The following OR10A2 variants were observed in gnomAD, a reference collection of about 807,000 sequenced individuals.
OR10A2 encodes olfactory receptor family 10 subfamily A member 2.
In OR10A2, 15 loss-of-function variants were observed where a neutral mutation model predicts 13.7. The ratio of observed to expected loss-of-function variants is 1.10; its 90% CI spans 0.73 to 1.69. The LOEUF is 1.69. Among genes scored for constraint, OR10A2 ranks in the 40% most tolerant of loss-of-function variants. The probability of loss-of-function intolerance (pLI) is 0.00; values close to 1 mark genes in which losing one functional copy is unlikely to be tolerated. For synonymous variants in OR10A2, 145 were observed against 144.7 expected (o/e 1.00, Z -0.02); for missense variants, 343 against 361.1 (o/e 0.95, Z 0.41).
In OR10A2 at chr11:6,869,724, A is replaced by G. The variant is rs1444770618; in HGVS notation, c.-31A>G. 6.3e-7 allele frequency: 1 copy of G among 1,585,662 alleles called. No homozygotes were observed. Among genetic ancestry groups the G allele is most frequent in the East Asian group, 2.2e-5 (1 of 44,706 alleles). ...TTCTGCCCACACTTATAGCTACAGG[A>G]AACTGGACAAGAATAAGTGAGTTTA... On this transcript the variant is annotated 5_prime_UTR_variant, in exon 2 of 2. Transcript: ENST00000641461.
rs913927770 is a variant in OR10A2, at chr11:6,870,781, G to T, written c.*115G>T. 4 of 909,514 alleles carry T rather than the reference G, an allele frequency of 4.4e-6. No homozygotes were observed. Among genetic ancestry groups the T allele is most frequent in the Non-Finnish European group, 6.6e-6 (4 of 605,610 alleles). The allele number at this position is 909,514 out of a possible 1,614,324, so 56.3% of individuals were successfully genotyped here. A position where few individuals can be genotyped will look rare whatever the true frequency, so the allele number is the denominator to read the frequency against. ...AAGATGAAGTCCTGTTGCTGAAATG[G>T]CTTTTGGAAAGCTGAGTGGAGAGAA... On this transcript the variant is annotated 3_prime_UTR_variant, in exon 2 of 2. Coordinates refer to ENST00000641461, the MANE Select transcript of OR10A2 (RefSeq NM_001004460.2).
rs1481974445 is a variant in OR10A2, at chr11:6,873,900, GTGGTGGTAGAGC to G, written c.*3238_*3249del. On this transcript the variant is annotated 3_prime_UTR_variant, in exon 2 of 2. Transcript: ENST00000641461. Reference sequence around the variant, plus strand: ...AAAATAAATCCAGAACCTAAAGGCAGTGGTGGTAGAGCTGGAGAAGGTGACACTGAATTAGTG... The same window carrying G: ...AAAATAAATCCAGAACCTAAAGGCAGTGGAGAAGGTGACACTGAATTAGTG... The G allele has an allele frequency of 6.6e-6, 1 of 152,260 alleles. No individual in the cohort carries two copies. The highest frequency in any genetic ancestry group is 1.5e-5 in the Non-Finnish European group (1 of 68,064). 9.4% of individuals were successfully genotyped at this position (152,260 alleles called of 1,614,324 possible).
At chr11:6,866,359 GGAC>G (rs1848378286) in intron 1 of OR10A2, among the ~76,000 whole-genome samples, 1 of 152,032 alleles carries the variant, frequency 6.6e-6, no homozygotes, top group Admixed American at 6.5e-5. Context: ...ATGCAGACCA[GGAC>G]GGCTTTGCAT....
At chr11:6,868,006 TC>T (rs1421616964) in intron 1 of OR10A2, among the ~76,000 whole-genome samples, 7 of 152,208 alleles carry the variant, frequency 4.6e-5, no homozygotes. Context: ...TGCCTCAGGC[TC>T]CCAAAGTCCT....
intron 1 of OR10A2, among the ~76,000 whole-genome samples, chr11:6,864,920 A>G (rs1481529729): frequency 2.0e-5 from 3 of 147,336 alleles, no homozygotes; most frequent in Non-Finnish European, 4.5e-5. Flanking sequence ...AATTTCTTAT[A>G]TATATAAATA....
In OR10A2 at chr11:6,869,891, T is replaced by C. The variant is rs1434540637; in HGVS notation, c.137T>C (p.Met46Thr). The C allele has an allele frequency of 6.2e-7, 1 of 1,614,158 alleles. No homozygotes were observed. Among genetic ancestry groups the C allele is most frequent in the African/African-American group, 1.3e-5 (1 of 75,044 alleles). ...GCTGACCCCATGCTACACAGCCCCA[T>C]GTACTTCTTCCTCAGAAACTTATCT... ...TLADPMLHSP[M>T]YFFLRNLSFL... Residue 46 changes from methionine (M) to threonine (T), a missense_variant, in exon 2 of 2, where the codon ATG (methionine) becomes ACG (threonine). Met to Thr is a moderately conservative substitution (Grantham distance 81, BLOSUM62 -1). Coordinates refer to ENST00000641461, the MANE Select transcript of OR10A2 (RefSeq NM_001004460.2).
rs746159207 is a variant in OR10A2, at chr11:6,870,601, G to A, written c.847G>A (p.Glu283Lys). 3.1e-6 allele frequency: 5 copies of A among 1,613,396 alleles called. No individual in the cohort carries two copies. The highest frequency in any genetic ancestry group is 2.2e-5 in the South Asian group (2 of 90,962). ...CATTATCTACAGCCTGAGAAATAAC[G>A]AGGTGAAGAATGCCCTCAGCAGGAC... is the stretch of plus-strand genomic sequence containing the variant. ...NPIIYSLRNNEVKNALSRTVS... is the reference protein window; with the variant it reads ...NPIIYSLRNNKVKNALSRTVS... The change falls in exon 2 of 2, where the codon GAG becomes AAG. Residue 283 changes from glutamate (E) to lysine (K), a missense_variant. Physicochemically the swap from Glu to Lys is moderately conservative, Grantham distance 56 (BLOSUM62 1). Transcript: ENST00000641461.
At chr11:6,869,324 T>C (rs1279102549) in intron 1 of OR10A2, among the ~76,000 whole-genome samples, 2 of 152,266 alleles carry the variant, frequency 1.3e-5, no homozygotes, top group Non-Finnish European at 2.9e-5. Context: ...AATTTAAATG[T>C]ATGTGTTCTT....
At position 6,872,982 on chromosome 11, in the gene OR10A2, A is replaced by G. The variant is rs971339423; in HGVS notation, c.*2316A>G. On this transcript the variant is annotated 3_prime_UTR_variant, in exon 2 of 2. Transcript: ENST00000641461. ...TTACAGGCGTGCCAAGCCATGCCCA[A>G]CTAATTTTTTTTTTGTATTTTTTAG... 6.6e-5 allele frequency: 6 copies of G among 90,694 alleles called. No individual in the cohort carries two copies. The highest frequency in any genetic ancestry group is 9.3e-5 in the African/African-American group (2 of 21,414). 5.6% of individuals were successfully genotyped at this position (90,694 alleles called of 1,614,324 possible). A position where few individuals can be genotyped will look rare whatever the true frequency, so the allele number is the denominator to read the frequency against.
chr11:6,868,772 C>CCA (rs1848400159), intron 1 of OR10A2, among the ~76,000 whole-genome samples: 1 of 152,068 alleles, frequency 6.6e-6, no homozygotes, highest in South Asian at 2.1e-4. Flanking sequence ...CACCATTTCT[C>CCA]CACTAGACTT....
At chr11:6,867,465 G>A (rs948714597) in intron 1 of OR10A2, among the ~76,000 whole-genome samples, 1 of 152,126 alleles carries the variant, frequency 6.6e-6, no homozygotes, top group Admixed American at 6.5e-5. Flanking sequence ...TCCTGCCTTG[G>A]CCTCCCAAAG....
chr11:6,864,525 A>C (rs1305166430), intron 1 of OR10A2, among the ~76,000 whole-genome samples: 1 of 152,216 alleles, frequency 6.6e-6, no homozygotes, highest in Non-Finnish European at 1.5e-5. Context: ...ATATATTGGT[A>C]GTAGAAATAT....
chr11:6,864,725 C>T lies in OR10A2; in HGVS notation c.-133+1374C>T, dbSNP rs181640549. 2.6e-5 allele frequency among the ~76,000 whole-genome samples: 4 copies of T among 151,840 alleles called. No individual in the cohort carries two copies. The East Asian group carries it at 7.7e-4, about 29-fold the overall frequency. On this transcript the variant is annotated intron_variant, in intron 1 of 1. Transcript: ENST00000641461. ...AGAGGCAAGCAAAAAGAACTCTGTT[C>T]AGTAAATAGTAAGAAGCTCAGCAGT...
At position 6,870,458 on chromosome 11, in the gene OR10A2, T is replaced by C; in HGVS notation, c.704T>C (p.Val235Ala). 1 of 1,614,190 alleles carries C rather than the reference T, an allele frequency of 6.2e-7. No homozygotes were observed. The highest frequency in any genetic ancestry group is 1.7e-5 in the Admixed American group (1 of 60,028). The stretch of plus-strand genomic sequence containing the variant: ...ACATGTTCCTCACACCTCCTTGTTG[T>C]CTCTCTTTTCTATATATCATTAAGC... ...FSTCSSHLLVVSLFYISLSLT... is the reference protein window; with the variant it reads ...FSTCSSHLLVASLFYISLSLT... The change falls in exon 2 of 2, where the codon GTC (valine) becomes GCC (alanine). Residue 235 changes from valine to alanine, a missense_variant. Physicochemically the swap from Val to Ala is moderately conservative, Grantham distance 64. Transcript: ENST00000641461.
rs754974386 is a variant in OR10A2 at position 6,872,817 on chromosome 11, C to CT, written c.*2168dup. The CT allele has an allele frequency of 0.3, 40,602 of 136,150 alleles. 6,331 individuals carry two copies. Among genetic ancestry groups the CT allele is most frequent in the East Asian group, 0.41 (1,967 of 4,746 alleles). The allele number at this position is 136,150 out of a possible 1,614,324, so 8.4% of individuals were successfully genotyped here. ...TGTTTCTCTTTTCTTTTCTTTCTTT[C>CT]TTTTTTTTTTTTTTTTTGAGACAAA... On this transcript the variant is annotated 3_prime_UTR_variant, in exon 2 of 2. Coordinates refer to ENST00000641461, the MANE Select transcript of OR10A2 (RefSeq NM_001004460.2).
chr11:6,870,468 C>T lies in OR10A2; in HGVS notation c.714C>T (p.Phe238=). The T allele has an allele frequency of 6.2e-7, 1 of 1,614,158 alleles. No homozygotes were observed. The highest frequency in any genetic ancestry group is 8.5e-7 in the Non-Finnish European group (1 of 1,180,008). ...CACACCTCCTTGTTGTCTCTCTTTT[C>T]TATATATCATTAAGCCTCACCTACT... ...CSSHLLVVSL[F]YISLSLTYFR... The change falls in exon 2 of 2, where the codon TTC becomes TTT. Residue 238 remains phenylalanine (F), a synonymous_variant. Coordinates refer to ENST00000641461, the MANE Select transcript of OR10A2 (RefSeq NM_001004460.2).
chr11:6,866,825 A>T (rs2133068275), intron 1 of OR10A2, among the ~76,000 whole-genome samples: 1 of 152,158 alleles, frequency 6.6e-6, no homozygotes, highest in African/African-American at 2.4e-5. Flanking sequence ...ATATATTAAA[A>T]TTTTCTTTCA....
intron 1 of OR10A2, 64 bp from the exon 2 acceptor site, chr11:6,869,559 A>ATT: frequency 1.6e-6 from 1 of 613,654 alleles, no homozygotes; most frequent in Non-Finnish European, 2.9e-6. Context: ...ATTGTGTTTT[A>ATT]TTCTTAGACA....
chr11:6,869,851 A>G lies in OR10A2; in HGVS notation c.97A>G (p.Ile33Val). 6.2e-7 allele frequency: 1 copy of G among 1,614,140 alleles called. No individual in the cohort carries two copies. The highest frequency in any genetic ancestry group is 8.5e-7 in the Non-Finnish European group (1 of 1,180,008). Residue 33 changes from isoleucine (I) to valine (V), a missense_variant, in exon 2 of 2, where the codon ATT (isoleucine) becomes GTT (valine). Transcript: ENST00000641461. ...CACCCTGATGGGAAACTGCCTCATCATTCTGGTTACCCTAGCTGACCCCAT... is the reference window on the plus strand; with the variant it reads ...CACCCTGATGGGAAACTGCCTCATCGTTCTGGTTACCCTAGCTGACCCCAT... ...LVTLMGNCLI[I>V]LVTLADPMLH...
Sources: gnomAD v4.1 joint callset for allele counts (sites outside exome capture counted in the v4.1 genomes callset) on GRCh38, gnomAD v4.1.1 for gene constraint, MANE v1.5 for transcripts, NCBI Gene and HGNC (gene_info 2026-07-23, HGNC 2026-07-21) for gene names.